Variants in PPARGC1A observed in about 807,000 individuals in gnomAD.
PPARGC1A encodes the protein PPARG coactivator 1 alpha.
A neutral mutation model predicts 88.7 loss-of-function variants in PPARGC1A; 25 were observed. That is an observed-to-expected ratio of 0.28 (90% CI 0.21 to 0.39). PPARGC1A has a LOEUF of 0.39. Ranked by LOEUF, PPARGC1A falls within the 10% of genes least tolerant of loss-of-function variation. PPARGC1A has a pLI of 1.00. For synonymous variants in PPARGC1A, 363 were observed against 355.6 expected, an observed-to-expected ratio of 1.02 and a Z score of -0.24; for missense variants, 880 against 968.7, an observed-to-expected ratio of 0.91 and a Z score of 1.22.
chr4:24,210,956 T>A, the PPARGC1A span, among the ~76,000 whole-genome samples: 6 of 152,338 alleles, frequency 3.9e-5, no homozygotes, highest in African/African-American at 1.4e-4. Context: ...ATAGAGTTAA[T>A]AACAATAATA....
At chr4:24,153,514 G>A in the PPARGC1A span, among the ~76,000 whole-genome samples, 1 of 152,124 alleles carries the variant, frequency 6.6e-6, no homozygotes, top group Non-Finnish European at 1.5e-5. Context: ...TGTGTACACT[G>A]GGCATAGGAG....
chr4:24,280,669 A>T, the PPARGC1A span, among the ~76,000 whole-genome samples: 4 of 152,250 alleles, frequency 2.6e-5, no homozygotes, highest in Admixed American at 2.0e-4. Flanking sequence ...CATTTCTATG[A>T]AAAGTAGAGA....
At chr4:23,915,793 T>C in the PPARGC1A span, among the ~76,000 whole-genome samples, 1 of 152,128 alleles carries the variant, frequency 6.6e-6, no homozygotes, top group African/African-American at 2.4e-5. Context: ...GGAGAGACAA[T>C]AGCCTGACAA....
chr4:24,023,980 A>G, the PPARGC1A span, among the ~76,000 whole-genome samples: 1 of 152,158 alleles, frequency 6.6e-6, no homozygotes, highest in Non-Finnish European at 1.5e-5. Flanking sequence ...AAAGCTGCAG[A>G]TTTTGTCCTG....
intron 7 of PPARGC1A, among the ~76,000 whole-genome samples, chr4:23,819,333 G>T (rs1333952554): frequency 6.6e-6 from 1 of 152,138 alleles, no homozygotes; most frequent in Non-Finnish European, 1.5e-5. Flanking sequence ...GTCCATTTGG[G>T]AGTGGCCTGC....
At chr4:24,388,365 G>A in the PPARGC1A span, among the ~76,000 whole-genome samples, 11 of 152,288 alleles carry the variant, frequency 7.2e-5, no homozygotes, top group African/African-American at 1.7e-4. Context: ...CTTTTACATC[G>A]TTGGTGGGAG....
chr4:24,358,121 A>T, the PPARGC1A span, among the ~76,000 whole-genome samples: 1 of 152,166 alleles, frequency 6.6e-6, no homozygotes, highest in South Asian at 2.1e-4. Context: ...AGGTGTTATT[A>T]TCTCCATTTT....
chr4:24,167,001 T>C, the PPARGC1A span, among the ~76,000 whole-genome samples: 1 of 152,230 alleles, frequency 6.6e-6, no homozygotes, highest in East Asian at 1.9e-4. Context: ...TTCATAAAGC[T>C]ATAGTGGCCA....
chr4:23,864,267 C>G (rs1363569478), intron 2 of PPARGC1A, among the ~76,000 whole-genome samples: 3 of 152,184 alleles, frequency 2.0e-5, no homozygotes, highest in African/African-American at 7.2e-5. Flanking sequence ...CCACATTTTA[C>G]TATCTACATT....
At chr4:24,007,889 A>C in the PPARGC1A span, among the ~76,000 whole-genome samples, 1 of 152,276 alleles carries the variant, frequency 6.6e-6, no homozygotes, top group Non-Finnish European at 1.5e-5. Context: ...ATAGAAACTC[A>C]GAGCTGCCCT....
chr4:23,921,332 AG>A, the PPARGC1A span, among the ~76,000 whole-genome samples: 627 of 152,344 alleles, frequency 4.1e-3, 7 homozygotes, highest in African/African-American at 0.015. Flanking sequence ...TTGAATGTGA[AG>A]GGATTCTTCA....
chr4:24,013,787 A>G, the PPARGC1A span, among the ~76,000 whole-genome samples: 6 of 152,222 alleles, frequency 3.9e-5, no homozygotes, highest in Non-Finnish European at 7.3e-5. Context: ...TAGTCAGTCA[A>G]TTCGTACCTA....
At chr4:24,185,290 T>C in the PPARGC1A span, among the ~76,000 whole-genome samples, 1 of 152,174 alleles carries the variant, frequency 6.6e-6, no homozygotes, top group Non-Finnish European at 1.5e-5. Flanking sequence ...CCAAAATCAT[T>C]ACAATTCTCA....
chr4:24,391,683 A>C, the PPARGC1A span, among the ~76,000 whole-genome samples: 1 of 152,202 alleles, frequency 6.6e-6, no homozygotes, highest in South Asian at 2.1e-4. Context: ...AAATAATCTC[A>C]TAAATCTCTT....
chr4:24,397,057 A>G, the PPARGC1A span, among the ~76,000 whole-genome samples: 1 of 152,246 alleles, frequency 6.6e-6, no homozygotes, highest in Admixed American at 6.5e-5. Context: ...AACTAAGCCA[A>G]ATGACTCCAT....
chr4:24,215,854 G>A, the PPARGC1A span, among the ~76,000 whole-genome samples: 4 of 152,164 alleles, frequency 2.6e-5, no homozygotes, highest in African/African-American at 9.7e-5. Context: ...CTGTGAGAAT[G>A]TGCTCTCCTA....
the PPARGC1A span, among the ~76,000 whole-genome samples, chr4:24,370,711 T>A: frequency 1.5e-3 from 223 of 147,364 alleles, 1 homozygote; most frequent in Middle Eastern, 7.2e-3. Context: ...CCCACTCCAT[T>A]CTCTTCTCAT....
the PPARGC1A span, among the ~76,000 whole-genome samples, chr4:24,076,816 C>T: frequency 3.2e-4 from 48 of 152,142 alleles, no homozygotes; most frequent in South Asian, 1.2e-3. Context: ...TAATATATTT[C>T]CTTTCTCTTC....
At chr4:24,218,817 T>G in the PPARGC1A span, among the ~76,000 whole-genome samples, 1 of 152,214 alleles carries the variant, frequency 6.6e-6, no homozygotes, top group Admixed American at 6.5e-5. Flanking sequence ...GCAGCAATCA[T>G]GGAGAAGATA....
Sources: allele counts gnomAD v4.1 joint callset (sites outside exome capture counted in the v4.1 genomes callset), GRCh38; gene constraint gnomAD v4.1.1; transcripts MANE v1.5; gene names NCBI Gene and HGNC (gene_info 2026-07-23, HGNC 2026-07-21).